DMD: variants seen among roughly 807,000 people sequenced by gnomAD.
The protein encoded by DMD is dystrophin.
DMD carries 63 observed loss-of-function variants against 330.1 expected under a neutral mutation model. The observed-to-expected ratio is 0.19, with a 90% CI of 0.16 to 0.24. The LOEUF (loss-of-function observed/expected upper bound fraction) is 0.24, where lower values mean the gene tolerates loss of function less well. Among genes scored for constraint, DMD ranks in the 10% least tolerant of loss-of-function variants. The probability of loss-of-function intolerance (pLI) is 1.00; values close to 1 mark genes in which losing one functional copy is unlikely to be tolerated. For missense variants in DMD, 3,344 were observed against 2,684.1 expected, an observed-to-expected ratio of 1.25 and a Z score of -5.43; for synonymous variants, 1,223 against 959.8, an observed-to-expected ratio of 1.27 and a Z score of -5.07.
At chrX:31,474,921 CA>C (rs1419096727) in intron 59 of DMD, among the ~76,000 whole-genome samples, 1 of 109,719 alleles carries the variant, frequency 9.1e-6, no homozygotes, top group Non-Finnish European at 1.9e-5. Context: ...CTACTACCCC[CA>C]AAGCTTCAGA....
intron 50 of DMD, among the ~76,000 whole-genome samples, chrX:31,794,026 T>G (rs750916587): frequency 1.3e-3 from 150 of 111,389 alleles, no homozygotes; most frequent in African/African-American, 4.8e-3. Flanking sequence ...TACATACAAG[T>G]TTTCCCGACA....
chrX:32,828,449 T>TACAC (rs2078902537), intron 4 of DMD, among the ~76,000 whole-genome samples: 1 of 104,258 alleles, frequency 9.6e-6, no homozygotes, highest in African/African-American at 3.9e-5. Flanking sequence ...AGAGTGTGTG[T>TACAC]ATACACACAC....
At chrX:32,628,868 A>G (rs1041833801) in intron 11 of DMD, among the ~76,000 whole-genome samples, 1 of 111,932 alleles carries the variant, frequency 8.9e-6, no homozygotes, top group Non-Finnish European at 1.9e-5. Flanking sequence ...TTCAGTTGTG[A>G]TCAGAAAAGC....
chrX:32,885,827 G>GAGA (rs1557115362), intron 2 of DMD, among the ~76,000 whole-genome samples: 120 of 64,933 alleles, frequency 1.8e-3, no homozygotes, highest in Middle Eastern at 0.021. Context: ...CCTTGAGGGG[G>GAGA]AAAAAAAAAA....
At chrX:32,688,860 T>G (rs1270977193) in intron 9 of DMD, among the ~76,000 whole-genome samples, 2 of 111,719 alleles carry the variant, frequency 1.8e-5, no homozygotes, top group African/African-American at 6.5e-5. Context: ...GGAAATGTAT[T>G]TGGGACATGG....
intron 49 of DMD, among the ~76,000 whole-genome samples, chrX:31,827,592 G>C (rs921078134): frequency 8.9e-6 from 1 of 111,886 alleles, no homozygotes; most frequent in African/African-American, 3.2e-5. Flanking sequence ...GATATTTACA[G>C]AACATTCTTC....
chrX:32,215,785 T>C (rs2097110133), intron 44 of DMD, among the ~76,000 whole-genome samples: 1 of 111,799 alleles, frequency 8.9e-6, no homozygotes, highest in African/African-American at 3.2e-5. Flanking sequence ...ATGTATCTTC[T>C]ATATTAAAGC....
At chrX:31,223,625 A>T (rs2147078889) in intron 63 of DMD, among the ~76,000 whole-genome samples, 1 of 111,939 alleles carries the variant, frequency 8.9e-6, no homozygotes, top group South Asian at 3.8e-4. Flanking sequence ...CAAATAAATC[A>T]TCCACAAGCC....
At chrX:33,258,624 G>A (rs963482833) in intron 1 of DMD, among the ~76,000 whole-genome samples, 2 of 110,984 alleles carry the variant, frequency 1.8e-5, no homozygotes, top group African/African-American at 6.5e-5. Context: ...GCAACAAAAT[G>A]ACAGAAGATA....
chrX:32,383,925 A>T (rs1308090524), intron 33 of DMD, among the ~76,000 whole-genome samples: 1 of 109,782 alleles, frequency 9.1e-6, no homozygotes, highest in Non-Finnish European at 1.9e-5. Context: ...TATGACAAAT[A>T]AAAAGCCCAC....
intron 1 of DMD, among the ~76,000 whole-genome samples, chrX:33,068,809 G>A (rs750307551): frequency 8.9e-6 from 1 of 112,387 alleles, no homozygotes; most frequent in Admixed American, 9.4e-5. Context: ...AGGTATGGGA[G>A]GTGAAAGATT....
At chrX:31,887,921 A>G (rs1463658746) in intron 47 of DMD, among the ~76,000 whole-genome samples, 2 of 112,424 alleles carry the variant, frequency 1.8e-5, no homozygotes, top group Non-Finnish European at 1.9e-5. Flanking sequence ...CTAATAAAAC[A>G]GAAAAGAGAA....
At chrX:31,138,672 A>AGGGAGAGG (rs2035618838) in intron 76 of DMD, among the ~76,000 whole-genome samples, 1 of 26,364 alleles carries the variant, frequency 3.8e-5, no homozygotes, top group East Asian at 1.1e-3. Context: ...AGAGAGAGAG[A>AGGGAGAGG]GAGAGAGAGA....
chrX:32,504,987 T>C (rs2044474283), intron 18 of DMD, among the ~76,000 whole-genome samples: 1 of 112,303 alleles, frequency 8.9e-6, no homozygotes, highest in African/African-American at 3.2e-5. Flanking sequence ...AAAGTAATTG[T>C]GGTGTTCATA....
chrX:32,783,228 ACGTATATACACATATGTG>A (rs2075012094), intron 7 of DMD, among the ~76,000 whole-genome samples: 1 of 99,696 alleles, frequency 1.0e-5, no homozygotes, highest in Non-Finnish European at 2.0e-5. Flanking sequence ...ATACGTGTAT[ACGTATATACACATATGTG>A]TATATACGTA....
chrX:31,686,056 T>A (rs758395758), intron 52 of DMD, among the ~76,000 whole-genome samples: 62 of 112,174 alleles, frequency 5.5e-4, no homozygotes, highest in African/African-American at 1.7e-3. Context: ...TCACCATTAA[T>A]CATTGTTTAA....
intron 41 of DMD, among the ~76,000 whole-genome samples, chrX:32,341,616 G>A (rs1245051019): frequency 9.0e-6 from 1 of 111,591 alleles, no homozygotes; most frequent in African/African-American, 3.3e-5. Context: ...CCAGGTGTGA[G>A]GATTAAGCTA....
intron 9 of DMD, among the ~76,000 whole-genome samples, chrX:32,685,471 T>C (rs766621820): frequency 1.8e-5 from 2 of 111,840 alleles, no homozygotes; most frequent in Admixed American, 9.6e-5. Flanking sequence ...AAAAATTTCC[T>C]TGGGACATGT....
chrX:31,519,110 T>C lies in DMD; in HGVS notation c.8218-11657A>G, dbSNP rs139849571. Among the ~76,000 whole-genome samples, 295 of 112,356 alleles carry C rather than the reference T, an allele frequency of 2.6e-3. 2 individuals are homozygous for C. The highest frequency in any genetic ancestry group is 9.1e-3 in the African/African-American group (282 of 30,962). On this transcript the variant is annotated intron_variant, in intron 55 of 78. Coordinates refer to ENST00000357033, the MANE Select transcript of DMD (RefSeq NM_004006.3). ...AACTCAGAACTAATATCATTGATGT[T>C]TCTGAATGGTTCTAAATGAACACAA...
Sources: allele counts gnomAD v4.1 joint callset (sites outside exome capture counted in the v4.1 genomes callset), GRCh38; gene constraint gnomAD v4.1.1; transcripts MANE v1.5; gene names NCBI Gene and HGNC (gene_info 2026-07-23, HGNC 2026-07-21).